MEOX2: variants seen among roughly 807,000 people sequenced by gnomAD.
MEOX2 encodes the protein mesenchyme homeobox 2.
Under a neutral mutation model 27.0 loss-of-function variants are expected in MEOX2, and 11 were observed. That is an observed-to-expected ratio of 0.41 (90% CI 0.26 to 0.68). The LOEUF (loss-of-function observed/expected upper bound fraction) is 0.68, where lower values mean the gene tolerates loss of function less well. MEOX2 is among the 30% of genes least tolerant of loss of function. The pLI is 0.33. For synonymous variants in MEOX2, 189 were observed against 155.4 expected (o/e 1.22, Z -1.61); for missense variants, 436 against 385.4 (o/e 1.13, Z -1.10).
chr7:15,686,175 G>GTGA lies in MEOX2; in HGVS notation c.227_228insTCA (p.His80dup). On this transcript the variant is annotated inframe_insertion, in exon 1 of 3. Transcript: ENST00000262041. ...GCTGCTGCTGCTGATGGTGGTGATG[G>GTGA]TGGTGGTGGTGGTGGTGGTGGTGGT... is the stretch of plus-strand genomic sequence containing the variant. The GTGA allele has an allele frequency of 4.7e-6, 1 of 211,558 alleles. No homozygotes were observed. Among genetic ancestry groups the GTGA allele is most frequent in the Non-Finnish European group, 6.3e-6 (1 of 158,776 alleles). The allele number at this position is 211,558 out of a possible 1,614,324, so 13.1% of individuals were successfully genotyped here. A position where few individuals can be genotyped will look rare whatever the true frequency, so the allele number is the denominator to read the frequency against.
In MEOX2 at chr7:15,672,617, T is replaced by G. The variant is rs567113935; in HGVS notation, c.517+13269A>C. ...AAAGTATCCGTAAATATTGGGCAGG[T>G]CGCGGTGGCTCACACCCATAATCCC... On this transcript the variant is annotated intron_variant, in intron 1 of 2. Transcript: ENST00000262041. Among the ~76,000 whole-genome samples the G allele has an allele frequency of 2.8e-4, 42 of 152,086 alleles. No individual in the cohort carries two copies. The Middle Eastern group carries it at 0.01, about 37-fold the overall frequency.
chr7:15,661,836 T>C (rs1178428471), intron 1 of MEOX2, among the ~76,000 whole-genome samples: 1 of 152,188 alleles, frequency 6.6e-6, no homozygotes, highest in African/African-American at 2.4e-5. Flanking sequence ...TGACAAATTA[T>C]TCAGTAACAG....
At chr7:15,624,637 G>A (rs1311969761) in intron 2 of MEOX2, among the ~76,000 whole-genome samples, 1 of 152,088 alleles carries the variant, frequency 6.6e-6, no homozygotes, top group Non-Finnish European at 1.5e-5. Context: ...CTCTTTCTTA[G>A]TCAGCCCACC....
chr7:15,637,410 G>A (rs1450723969), intron 1 of MEOX2, among the ~76,000 whole-genome samples: 2 of 151,876 alleles, frequency 1.3e-5, no homozygotes, highest in Non-Finnish European at 2.9e-5. Flanking sequence ...CCATTACATG[G>A]TGGAGAGAAA....
At chr7:15,670,528 T>A (rs1025153717) in intron 1 of MEOX2, among the ~76,000 whole-genome samples, 4 of 152,214 alleles carry the variant, frequency 2.6e-5, no homozygotes, top group African/African-American at 2.4e-5. Flanking sequence ...TACTGACATA[T>A]GAAAATGTTC....
chr7:15,615,592 A>T (rs181356143), intron 2 of MEOX2, among the ~76,000 whole-genome samples: 55 of 152,122 alleles, frequency 3.6e-4, no homozygotes, highest in Admixed American at 7.9e-4. Context: ...CAAGCTTGAC[A>T]TTGTATTTTG....
chr7:15,636,395 T>C (rs1250630173), intron 1 of MEOX2, among the ~76,000 whole-genome samples: 1 of 152,002 alleles, frequency 6.6e-6, no homozygotes, highest in Non-Finnish European at 1.5e-5. Flanking sequence ...TGCATAAAGG[T>C]AATGAAATAA....
chr7:15,642,961 C>G (rs1781585629), intron 1 of MEOX2, among the ~76,000 whole-genome samples: 1 of 152,152 alleles, frequency 6.6e-6, no homozygotes, highest in Non-Finnish European at 1.5e-5. Context: ...TGCTTGTGGT[C>G]AAACTCACTG....
At chr7:15,673,743 T>C (rs1336727045) in intron 1 of MEOX2, among the ~76,000 whole-genome samples, 4 of 152,116 alleles carry the variant, frequency 2.6e-5, no homozygotes, top group Non-Finnish European at 2.9e-5. Flanking sequence ...TAAATTCTTT[T>C]CTGAGGAGAT....
chr7:15,652,972 A>T (rs1178872246), intron 1 of MEOX2, among the ~76,000 whole-genome samples: 1 of 152,020 alleles, frequency 6.6e-6, no homozygotes, highest in East Asian at 1.9e-4. Flanking sequence ...ACATGTTTTC[A>T]TCTCTCTGAA....
intron 1 of MEOX2, among the ~76,000 whole-genome samples, chr7:15,637,232 T>TCACA (rs1204840184): frequency 1.3e-5 from 2 of 152,016 alleles, no homozygotes; most frequent in African/African-American, 4.8e-5. Context: ...CGGCATTAAG[T>TCACA]TTCTGTGAAT....
rs115478485 is a variant in MEOX2, at chr7:15,639,921, T to A, written c.518-13003A>T. On this transcript the variant is annotated intron_variant, in intron 1 of 2. Transcript: ENST00000262041. The stretch of plus-strand genomic sequence containing the variant: ...TATCCCCAGTTTTGTTTGCTTTTGT[T>A]TTTTGTTTGTTTGTTTTGCTTACGA... 3.8e-3 allele frequency among the ~76,000 whole-genome samples: 581 copies of A among 152,216 alleles called. 6 individuals carry two copies. The highest frequency in any genetic ancestry group is 0.013 in the African/African-American group (548 of 41,536).
intron 2 of MEOX2, among the ~76,000 whole-genome samples, chr7:15,622,571 TAA>T (rs1781237047): frequency 6.6e-6 from 1 of 152,124 alleles, no homozygotes; most frequent in African/African-American, 2.4e-5. Flanking sequence ...ATGAAAAAAA[TAA>T]GTCTTAAAGA....
At chr7:15,617,849 A>G (rs1781147837) in intron 2 of MEOX2, among the ~76,000 whole-genome samples, 1 of 152,090 alleles carries the variant, frequency 6.6e-6, no homozygotes, top group African/African-American at 2.4e-5. Flanking sequence ...GATCAGGCTC[A>G]TTAATGTAAT....
At chr7:15,681,962 A>G (rs1782298211) in intron 1 of MEOX2, 1 of 151,792 alleles carries the variant, frequency 6.6e-6, no homozygotes, top group Non-Finnish European at 1.5e-5. Context: ...GTTCAACAAT[A>G]AAGCATTTTA....
At chr7:15,617,008 G>T (rs182373661) in intron 2 of MEOX2, among the ~76,000 whole-genome samples, 1 of 151,962 alleles carries the variant, frequency 6.6e-6, no homozygotes, top group African/African-American at 2.4e-5. Flanking sequence ...TATATTACCA[G>T]ACAAAAGAAG....
At chr7:15,677,530 G>C (rs969895109) in intron 1 of MEOX2, 1 of 152,226 alleles carries the variant, frequency 6.6e-6, no homozygotes, top group African/African-American at 2.4e-5. Flanking sequence ...AGCAACAAAA[G>C]AAGATTGGAG....
chr7:15,673,945 A>G (rs537224120), intron 1 of MEOX2, among the ~76,000 whole-genome samples: 13 of 152,270 alleles, frequency 8.5e-5, no homozygotes, highest in Non-Finnish European at 1.0e-4. Context: ...TCACTTTGCC[A>G]CAAAAGCAGT....
chr7:15,660,163 A>G (rs1781889993), intron 1 of MEOX2, among the ~76,000 whole-genome samples: 1 of 152,184 alleles, frequency 6.6e-6, no homozygotes, highest in Non-Finnish European at 1.5e-5. Flanking sequence ...AAATAAGGGT[A>G]TTCCACCCAA....
Sources: allele counts gnomAD v4.1 joint callset (sites outside exome capture counted in the v4.1 genomes callset), GRCh38; gene constraint gnomAD v4.1.1; transcripts MANE v1.5; gene names NCBI Gene and HGNC (gene_info 2026-07-23, HGNC 2026-07-21).